PICALM: variants seen among roughly 807,000 people sequenced by gnomAD.
PICALM encodes the protein phosphatidylinositol-binding clathrin assembly protein.
PICALM carries 40 observed loss-of-function variants against 80.5 expected under a neutral mutation model. The ratio of observed to expected loss-of-function variants is 0.50; its 90% CI spans 0.39 to 0.65. The LOEUF (loss-of-function observed/expected upper bound fraction) is 0.65, where lower values mean the gene tolerates loss of function less well. Among genes scored for constraint, PICALM ranks in the 30% least tolerant of loss-of-function variants. The pLI is 0.00. For synonymous variants in PICALM, 288 were observed against 260.3 expected, an observed-to-expected ratio of 1.11 and a Z score of -1.02; for missense variants, 676 against 778.9, an observed-to-expected ratio of 0.87 and a Z score of 1.57.
chr11:86,002,510 T>C (rs537428129), intron 9 of PICALM, among the ~76,000 whole-genome samples: 1 of 152,338 alleles, frequency 6.6e-6, no homozygotes, highest in Non-Finnish European at 1.5e-5. Flanking sequence ...TACTTTCAAT[T>C]TGCTAGGTTA....
intron 1 of PICALM, among the ~76,000 whole-genome samples, chr11:86,046,852 G>A (rs1478554362): frequency 6.6e-6 from 1 of 152,136 alleles, no homozygotes; most frequent in East Asian, 1.9e-4. Context: ...TGCCCAGGCT[G>A]GTCTCAAACT....
At chr11:85,971,556 C>T (rs1427655255) in intron 19 of PICALM, among the ~76,000 whole-genome samples, 4 of 151,670 alleles carry the variant, frequency 2.6e-5, no homozygotes, top group African/African-American at 9.7e-5. Context: ...GGCAACATGG[C>T]AAAACTCCAT....
intron 1 of PICALM, among the ~76,000 whole-genome samples, chr11:86,059,565 C>G (rs983021272): frequency 6.6e-6 from 1 of 152,122 alleles, no homozygotes; most frequent in Non-Finnish European, 1.5e-5. Flanking sequence ...CTTTGGGAGG[C>G]CAAGGCCAGA....
intron 1 of PICALM, among the ~76,000 whole-genome samples, chr11:86,057,575 G>T (rs1192238981): frequency 8.8e-6 from 1 of 113,228 alleles, no homozygotes; most frequent in Admixed American, 8.7e-5. Context: ...AATAAATAAT[G>T]AATAAAAAAT....
At chr11:86,061,477 A>C (rs2096365007) in intron 1 of PICALM, among the ~76,000 whole-genome samples, 1 of 152,160 alleles carries the variant, frequency 6.6e-6, no homozygotes, top group Admixed American at 6.5e-5. Flanking sequence ...CGGACACCTC[A>C]CTAAAGAAGA....
chr11:85,993,478 G>A (rs964901930), intron 12 of PICALM, among the ~76,000 whole-genome samples: 3 of 151,372 alleles, frequency 2.0e-5, no homozygotes, highest in African/African-American at 2.4e-5. Flanking sequence ...TCGCTCTGTC[G>A]CCCAGGCTAG....
rs1396167635 is a variant in PICALM, at chr11:86,062,470, A to T, written c.130+6181T>A. 2.0e-5 allele frequency among the ~76,000 whole-genome samples: 3 copies of T among 151,816 alleles called. No individual in the cohort carries two copies. In the East Asian group the frequency reaches 5.8e-4, roughly 29 times the overall value. ...GAGGCAAAGGTTGCAGTTAGCTGAG[A>T]TCGCACCACTGCACTCCAGCCTGGG... On this transcript the variant is annotated intron_variant, in intron 1 of 19. Coordinates refer to ENST00000393346, the MANE Select transcript of PICALM (RefSeq NM_007166.4).
intron 2 of PICALM, among the ~76,000 whole-genome samples, chr11:86,026,794 TA>T (rs2095655647): frequency 6.6e-6 from 1 of 152,188 alleles, no homozygotes; most frequent in Non-Finnish European, 1.5e-5. Flanking sequence ...CTGTCCAGAT[TA>T]AACAAATTCA....
chr11:86,011,737 A>G (rs1409141686), intron 6 of PICALM, among the ~76,000 whole-genome samples: 1 of 152,150 alleles, frequency 6.6e-6, no homozygotes, highest in East Asian at 1.9e-4. Context: ...TTAAAAGTTC[A>G]TTATGGAGTT....
intron 13 of PICALM, among the ~76,000 whole-genome samples, chr11:85,986,954 G>A (rs982281029): frequency 2.0e-5 from 3 of 152,108 alleles, no homozygotes; most frequent in East Asian, 1.9e-4. Flanking sequence ...AGAAACCACT[G>A]GCCTGCAGGT....
Position 85,981,241 on chromosome 11 carries a change from A to G in PICALM, c.1680-13T>C, listed in dbSNP as rs775465133. On this transcript the variant is annotated splice_polypyrimidine_tract_variant and intron_variant, in intron 16 of 19. Transcript: ENST00000393346. ...CCAATTTACATCACTTTAAATAAAC[A>G]TAAGTGAGAATATTAAATGTCTCTA... 4.8e-6 allele frequency: 6 copies of G among 1,258,890 alleles called. No homozygotes were observed. Among genetic ancestry groups the G allele is most frequent in the East Asian group, 2.3e-5 (1 of 43,284 alleles). 78.0% of individuals were successfully genotyped at this position (1,258,890 alleles called of 1,614,324 possible).
chr11:85,959,101 G>A (rs765907207), intron 19 of PICALM, 41 bp from the exon 20 acceptor site: 2 of 1,412,210 alleles, frequency 1.4e-6, no homozygotes. Flanking sequence ...TTGTATTGTA[G>A]GATGTCTTCT....
chr11:85,978,162 G>C, intron 17 of PICALM: 1 of 1,295,226 alleles, frequency 7.7e-7, no homozygotes, highest in East Asian at 2.3e-5. Context: ...TTACACAACA[G>C]AAAATACACA....
chr11:86,062,965 G>A (rs1291350428), intron 1 of PICALM, among the ~76,000 whole-genome samples: 1 of 152,144 alleles, frequency 6.6e-6, no homozygotes, highest in Non-Finnish European at 1.5e-5. Flanking sequence ...ACTTCTTCCT[G>A]GTAGGGCTCT....
chr11:86,009,517 C>A (rs1472543242), intron 7 of PICALM, among the ~76,000 whole-genome samples: 2 of 151,554 alleles, frequency 1.3e-5, no homozygotes, highest in African/African-American at 4.8e-5. Flanking sequence ...CACGGTGAAA[C>A]CCCGTCTCTA....
At chr11:86,067,257 G>A (rs1383458425) in intron 1 of PICALM, among the ~76,000 whole-genome samples, 1 of 152,040 alleles carries the variant, frequency 6.6e-6, no homozygotes, top group East Asian at 1.9e-4. Flanking sequence ...TATCTTTCAG[G>A]GCATGCTCAC....
chr11:86,008,440 T>G (rs2095322638), intron 7 of PICALM, among the ~76,000 whole-genome samples: 1 of 151,908 alleles, frequency 6.6e-6, no homozygotes, highest in South Asian at 2.1e-4. Context: ...GCTAACACAG[T>G]GAAACCCCAG....
At chr11:85,964,460 G>C (rs749956548) in intron 19 of PICALM, among the ~76,000 whole-genome samples, 6 of 152,148 alleles carry the variant, frequency 3.9e-5, no homozygotes, top group Non-Finnish European at 8.8e-5. Context: ...TTATAAAATG[G>C]GATTTAGAAT....
chr11:86,009,292 CAAAAAAAAAAA>C (rs10557244), intron 7 of PICALM, among the ~76,000 whole-genome samples: 5 of 41,636 alleles, frequency 1.2e-4, no homozygotes, highest in South Asian at 2.9e-3. Context: ...GTCTCTGTCT[CAAAAAAAAAAA>C]AAAAAAAAAA....
Sources: gnomAD v4.1 joint callset for allele counts (sites outside exome capture counted in the v4.1 genomes callset) on GRCh38, gnomAD v4.1.1 for gene constraint, MANE v1.5 for transcripts, NCBI Gene and HGNC (gene_info 2026-07-23, HGNC 2026-07-21) for gene names.